COQ6: variants seen among roughly 807,000 people sequenced by gnomAD.
The protein encoded by COQ6 is coenzyme Q6, monooxygenase.
In COQ6, 45 loss-of-function variants were observed where a neutral mutation model predicts 55.5. The observed-to-expected ratio is 0.81, with a 90% CI of 0.64 to 1.04. The LOEUF is 1.04. COQ6 is among the 50% of genes least tolerant of loss of function. COQ6 has a pLI of 0.00. For synonymous variants in COQ6, 206 were observed against 230.5 expected (o/e 0.89, Z 0.96); for missense variants, 550 against 601.3 (o/e 0.91, Z 0.89).
At chr14:73,953,697 G>C (rs2056289521) in intron 2 of COQ6, 128 bp downstream of exon 2, 1 of 1,238,598 alleles carries the variant, frequency 8.1e-7, no homozygotes, top group Admixed American at 1.8e-5. Context: ...GGAGAGAGGG[G>C]GTGGGATTGG....
At chr14:73,950,079 T>G (rs190881382), upstream of COQ6, 7,392 of 1,606,566 alleles carry the variant, frequency 4.6e-3, 294 homozygotes, top group African/African-American at 0.087. Flanking sequence ...GCAGCAGCGG[T>G]GGCAGCGAGA....
At chr14:73,951,758 C>A (rs1368105779) in intron 1 of COQ6, among the ~76,000 whole-genome samples, 1 of 150,954 alleles carries the variant, frequency 6.6e-6, no homozygotes, top group East Asian at 1.9e-4. Flanking sequence ...AGATTGGACA[C>A]CCTGATCTAA....
At chr14:73,953,848 C>T in intron 2 of COQ6, 1 of 527,278 alleles carries the variant, frequency 1.9e-6, no homozygotes, top group Non-Finnish European at 3.4e-6. Flanking sequence ...ATTGGTGGAA[C>T]TGAAATCATA....
chr14:73,957,314 T>C (rs2056484640), intron 4 of COQ6, among the ~76,000 whole-genome samples: 1 of 152,108 alleles, frequency 6.6e-6, no homozygotes, highest in Admixed American at 6.6e-5. Context: ...CTCAATCTCC[T>C]GACCTCGTGA....
chr14:73,958,105 C>A, intron 4 of COQ6, 42 bp from the exon 5 acceptor site: 1 of 1,537,986 alleles, frequency 6.5e-7, no homozygotes, highest in Non-Finnish European at 9.0e-7. Flanking sequence ...GCCTATGTGG[C>A]CCACCTTTCT....
rs557247498 is a variant in COQ6 at position 73,953,769 on chromosome 14, T to TGAGG, written c.298+201_298+204dup. 1.4e-3 allele frequency: 955 copies of TGAGG among 662,128 alleles called. 7 individuals are homozygous for TGAGG. Among genetic ancestry groups the TGAGG allele is most frequent in the Non-Finnish European group, 1.1e-3 (396 of 370,260 alleles). The allele number at this position is 662,128 out of a possible 1,614,324, so 41.0% of individuals were successfully genotyped here. A position where few individuals can be genotyped will look rare whatever the true frequency, so the allele number is the denominator to read the frequency against. On this transcript the variant is annotated intron_variant, in intron 2 of 11. Coordinates refer to ENST00000334571, the MANE Select transcript of COQ6 (RefSeq NM_182476.3). The stretch of plus-strand genomic sequence containing the variant: ...GTTGCTACTGCCTCAACTCCCTGTC[T>TGAGG]GAGGAATGCATCCTTGAGGCATGTG...
chr14:73,958,469 A>T (rs895428300), intron 5 of COQ6, 192 bp downstream of exon 5: 1 of 1,442,582 alleles, frequency 6.9e-7, no homozygotes, highest in Non-Finnish European at 9.1e-7. Context: ...GAGCAATCTC[A>T]TGGGCCGTCT....
At chr14:73,955,693 A>G in intron 3 of COQ6, 112 bp from the exon 4 acceptor site, 1 of 1,522,126 alleles carries the variant, frequency 6.6e-7, no homozygotes, top group Non-Finnish European at 9.1e-7. Context: ...CCTACCAGAG[A>G]GGCTGACAAA....
At position 73,955,896 on chromosome 14, in the gene COQ6, A is replaced by G. The variant is rs144880038; in HGVS notation, c.449A>G (p.His150Arg). Reference sequence around the variant, plus strand: ...ATCGTGGAGAATGATGTCATCATGCATGCTCTCACTAAGCAGTTGGAGGCT... The same window carrying G: ...ATCGTGGAGAATGATGTCATCATGCGTGCTCTCACTAAGCAGTTGGAGGCT... ...GYIVENDVIM[H>R]ALTKQLEAVS... Residue 150 changes from histidine to arginine, a missense_variant, in exon 4 of 12, where the codon CAT becomes CGT. By Grantham distance (29) the His-to-Arg change is conservative (BLOSUM62 0). Transcript: ENST00000334571. 8.5e-4 allele frequency: 1,375 copies of G among 1,614,166 alleles called. 3 individuals carry two copies. The highest frequency in any genetic ancestry group is 2.1e-3 in the Middle Eastern group (13 of 6,060).
At chr14:73,956,147 A>T (rs2056424673) in intron 4 of COQ6, 4 of 479,486 alleles carry the variant, frequency 8.3e-6, no homozygotes, top group Non-Finnish European at 1.5e-5. Context: ...ACATGGTGAA[A>T]CCCTGTCTCT....
In COQ6 at chr14:73,958,223, C is replaced by G. The variant is rs1404226423; in HGVS notation, c.558C>G (p.Ser186Arg). The G allele has an allele frequency of 2.5e-6, 4 of 1,613,932 alleles. No homozygotes were observed. Among genetic ancestry groups the G allele is most frequent in the Non-Finnish European group, 2.5e-6 (3 of 1,179,970 alleles). ...GTCCATTTCCTATGGCCGACTCCAGCCCTTGGGTTCATATTACCCTAGGTG... is the reference window on the plus strand; with the variant it reads ...GTCCATTTCCTATGGCCGACTCCAGGCCTTGGGTTCATATTACCCTAGGTG... ...WPCPFPMADS[S>R]PWVHITLGDG... The change falls in exon 5 of 12, where the codon AGC (serine) becomes AGG (arginine). Residue 186 changes from serine (S) to arginine (R), a missense_variant. Transcript: ENST00000334571.
In COQ6 at chr14:73,953,443, A is replaced by G. The variant is rs1328594456; in HGVS notation, c.172A>G (p.Ile58Val). The G allele has an allele frequency of 1.2e-6, 2 of 1,613,596 alleles. No individual in the cohort carries two copies. Among genetic ancestry groups the G allele is most frequent in the Non-Finnish European group, 1.7e-6 (2 of 1,179,552 alleles). ...AATTTTCTTTTTTTAAGGATATGAT[A>G]TTCACTTTCATGACAAGAAAATCCT... ...AAMACALGYDIHFHDKKILLL... is the reference protein window; with the variant it reads ...AAMACALGYDVHFHDKKILLL... Residue 58 changes from isoleucine to valine, a missense_variant, in exon 2 of 12, where the codon ATT (isoleucine) becomes GTT (valine). Ile to Val is a conservative substitution (Grantham distance 29). Coordinates refer to ENST00000334571, the MANE Select transcript of COQ6 (RefSeq NM_182476.3).
In COQ6 at chr14:73,963,288, T is replaced by G; in HGVS notation, c.*289T>G. On this transcript the variant is annotated 3_prime_UTR_variant, in exon 12 of 12. Coordinates refer to ENST00000334571, the MANE Select transcript of COQ6 (RefSeq NM_182476.3). Reference sequence around the variant, plus strand: ...CCCACAAGGTGCTGTCTCACTCATTTCCAGTTAATCATTTCTAAAGAGAAA... The same window carrying G: ...CCCACAAGGTGCTGTCTCACTCATTGCCAGTTAATCATTTCTAAAGAGAAA... 2.0e-6 allele frequency: 1 copy of G among 500,728 alleles called. No homozygotes were observed. Among genetic ancestry groups the G allele is most frequent in the Non-Finnish European group, 3.5e-6 (1 of 285,708 alleles). 31.0% of individuals were successfully genotyped at this position (500,728 alleles called of 1,614,324 possible). A position where few individuals can be genotyped will look rare whatever the true frequency, so the allele number is the denominator to read the frequency against.
At chr14:73,950,212 G>A (rs755368687), upstream of COQ6, 3 of 1,542,816 alleles carry the variant, frequency 1.9e-6, no homozygotes, top group Non-Finnish European at 2.6e-6. Context: ...TTTTCTCCGC[G>A]CATTTTATTT....
rs771807259 is a variant in COQ6 at position 73,959,399 on chromosome 14, T to C, written c.784-16T>C. The C allele has an allele frequency of 6.2e-7, 1 of 1,614,196 alleles. No homozygotes were observed. Among genetic ancestry groups the C allele is most frequent in the Non-Finnish European group, 8.5e-7 (1 of 1,180,052 alleles). ...GCAGAGTCTTAGCCGTTGGTATTGGTGTTCTTTTGACACAGCTCTCAGACA... is the reference window on the plus strand; with the variant it reads ...GCAGAGTCTTAGCCGTTGGTATTGGCGTTCTTTTGACACAGCTCTCAGACA... On this transcript the variant is annotated splice_polypyrimidine_tract_variant and intron_variant, in intron 7 of 11. Transcript: ENST00000334571.
Position 73,958,217 on chromosome 14 carries a change from C to A in COQ6, c.552C>A (p.Asp184Glu). The A allele has an allele frequency of 6.2e-7, 1 of 1,614,132 alleles. No homozygotes were observed. The highest frequency in any genetic ancestry group is 8.5e-7 in the Non-Finnish European group (1 of 1,180,002). Residue 184 changes from aspartate (D) to glutamate (E), a missense_variant, in exon 5 of 12, where the codon GAC becomes GAA. By Grantham distance (45) the Asp-to-Glu change is conservative. Transcript: ENST00000334571. ...GGCCTTGTCCATTTCCTATGGCCGA[C>A]TCCAGCCCTTGGGTTCATATTACCC... ...YTWPCPFPMA[D>E]SSPWVHITLG...
intron 4 of COQ6, chr14:73,956,264 C>G: frequency 6.4e-6 from 2 of 314,382 alleles, no homozygotes; most frequent in Non-Finnish European, 1.3e-5. Context: ...GGAGGTGGAG[C>G]TTGCAGTGAG....
rs1364726190 is a variant in COQ6 at position 73,958,629 on chromosome 14, A to G, written c.613-342A>G. 3 of 1,289,328 alleles carry G rather than the reference A, an allele frequency of 2.3e-6. No homozygotes were observed. In the African/African-American group the frequency reaches 4.5e-5, roughly 19 times the overall value. 79.9% of individuals were successfully genotyped at this position (1,289,328 alleles called of 1,614,324 possible). On this transcript the variant is annotated intron_variant, in intron 5 of 11. Transcript: ENST00000334571. ...TCTGCTCACAAGCTTCCCTTTTTGC[A>G]TGGTAGCCATTCCTAACCCTACATC...
intron 1 of COQ6, among the ~76,000 whole-genome samples, chr14:73,953,180 T>C (rs928563926): frequency 1.3e-5 from 2 of 152,190 alleles, no homozygotes; most frequent in African/African-American, 4.8e-5. Context: ...GCTAGTTAGG[T>C]GTTTGCCATT....
Sources: gnomAD v4.1 joint callset for allele counts (sites outside exome capture counted in the v4.1 genomes callset) on GRCh38, gnomAD v4.1.1 for gene constraint, MANE v1.5 for transcripts, NCBI Gene and HGNC (gene_info 2026-07-23, HGNC 2026-07-21) for gene names.